HECW1: variants seen among roughly 807,000 people sequenced by gnomAD.
The protein encoded by HECW1 is E3 ubiquitin-protein ligase HECW1.
HECW1 carries 61 observed loss-of-function variants against 182.3 expected under a neutral mutation model. That is an observed-to-expected ratio of 0.33 (90% CI 0.27 to 0.41). The LOEUF is 0.41. HECW1 is among the 10% of genes least tolerant of loss of function. The pLI, the probability that HECW1 is intolerant of heterozygous loss-of-function variation, is 1.00. For synonymous variants in HECW1, 859 were observed against 832.6 expected, an observed-to-expected ratio of 1.03 and a Z score of -0.55; for missense variants, 1,739 against 2,108.9, an observed-to-expected ratio of 0.82 and a Z score of 3.44.
At chr7:43,239,321 C>T (rs1383394640) in intron 2 of HECW1, 1 of 152,228 alleles carries the variant, frequency 6.6e-6, no homozygotes, top group African/African-American at 2.4e-5. Context: ...AAAATATGTG[C>T]AACTGAGCTT....
At position 43,250,137 on chromosome 7, in the gene HECW1, G is replaced by A. The variant is rs201324045; in HGVS notation, c.27+6205G>A. Among the ~76,000 whole-genome samples the A allele has an allele frequency of 3.5e-5, 5 of 144,120 alleles. No homozygotes were observed. In the East Asian group the frequency reaches 6.1e-4, roughly 18 times the overall value. 94.5% of individuals were successfully genotyped at this position (144,120 alleles called of 152,430 possible). A position where few individuals can be genotyped will look rare whatever the true frequency, so the allele number is the denominator to read the frequency against. On this transcript the variant is annotated intron_variant, in intron 3 of 29. Coordinates refer to ENST00000395891, the MANE Select transcript of HECW1 (RefSeq NM_015052.5). ...AACCAAAACACACACACACACACGCGCACACACACATACACACACACACAG... is the reference window on the plus strand; with the variant it reads ...AACCAAAACACACACACACACACGCACACACACACATACACACACACACAG...
chr7:43,480,230 C>G (rs1003420020), intron 17 of HECW1, among the ~76,000 whole-genome samples: 1 of 152,202 alleles, frequency 6.6e-6, no homozygotes, highest in African/African-American at 2.4e-5. Flanking sequence ...TCTATTCGCG[C>G]TCTACAATGT....
At chr7:43,545,591 T>C (rs1563111390) in intron 26 of HECW1, among the ~76,000 whole-genome samples, 2 of 152,230 alleles carry the variant, frequency 1.3e-5, no homozygotes, top group South Asian at 4.1e-4. Flanking sequence ...AGAAGTCTTA[T>C]TAATAACAAA....
intron 2 of HECW1, among the ~76,000 whole-genome samples, chr7:43,226,427 G>A (rs1797432474): frequency 6.6e-6 from 1 of 152,140 alleles, no homozygotes; most frequent in South Asian, 2.1e-4. Flanking sequence ...ATCAGGAAAG[G>A]GGCTCTGCCA....
intron 8 of HECW1, among the ~76,000 whole-genome samples, chr7:43,411,406 T>A (rs1035699262): frequency 2.0e-5 from 3 of 152,192 alleles, no homozygotes; most frequent in Admixed American, 6.5e-5. Context: ...CAGCATATGA[T>A]GCATTTTGGT....
chr7:43,449,813 C>A (rs191095812), intron 11 of HECW1, among the ~76,000 whole-genome samples: 1 of 152,174 alleles, frequency 6.6e-6, no homozygotes, highest in African/African-American at 2.4e-5. Context: ...TCCTTTGTCC[C>A]GGGCCCTTCT....
intron 3 of HECW1, among the ~76,000 whole-genome samples, chr7:43,309,953 T>C (rs1029118768): frequency 6.6e-6 from 1 of 152,180 alleles, no homozygotes; most frequent in Non-Finnish European, 1.5e-5. Context: ...ACTTGCATTG[T>C]CTCATTAAAT....
chr7:43,463,833 G>A (rs775442675), intron 14 of HECW1, 34 bp downstream of exon 14: 1 of 1,606,950 alleles, frequency 6.2e-7, no homozygotes. Context: ...ACCTGTGATG[G>A]CTTTCAGGGG....
At chr7:43,311,475 C>T (rs1343285358) in intron 3 of HECW1, among the ~76,000 whole-genome samples, 1 of 152,194 alleles carries the variant, frequency 6.6e-6, no homozygotes, top group Non-Finnish European at 1.5e-5. Flanking sequence ...ACATCCCAGT[C>T]CTTCTGGTAT....
intron 24 of HECW1, chr7:43,511,596 C>A (rs1016035952): frequency 2.6e-5 from 4 of 152,312 alleles, no homozygotes; most frequent in African/African-American, 9.7e-5. Flanking sequence ...AGAGCCACAG[C>A]TGACTGAATG....
rs373343667 is a variant in HECW1, at chr7:43,265,371, G to A, written c.27+21439G>A. The stretch of plus-strand genomic sequence containing the variant: ...TCCTAACCACAGCGGGCCAGGAAGT[G>A]TCATCCTGCCTTGTGCTGGGTAGCT... On this transcript the variant is annotated intron_variant, in intron 3 of 29. Transcript: ENST00000395891. 2.6e-5 allele frequency among the ~76,000 whole-genome samples: 4 copies of A among 152,278 alleles called. No individual in the cohort carries two copies. In the East Asian group the frequency reaches 7.7e-4, roughly 29 times the overall value.
chr7:43,319,528 G>A (rs1026543161), intron 4 of HECW1, among the ~76,000 whole-genome samples: 4 of 69,314 alleles, frequency 5.8e-5, no homozygotes, highest in East Asian at 3.4e-4. Context: ...CTGACCACCC[G>A]CCCCCCACCC....
chr7:43,172,371 AT>A (rs1331735741), intron 2 of HECW1, among the ~76,000 whole-genome samples: 1 of 151,856 alleles, frequency 6.6e-6, no homozygotes, highest in Non-Finnish European at 1.5e-5. Flanking sequence ...AAAATTTTCT[AT>A]TTTTAGAAAA....
At chr7:43,163,428 G>A (rs374517256) in intron 2 of HECW1, among the ~76,000 whole-genome samples, 8 of 152,264 alleles carry the variant, frequency 5.3e-5, no homozygotes, top group East Asian at 1.9e-4. Flanking sequence ...TGTTCTGTCC[G>A]GGGGGAGGTG....
At chr7:43,357,725 A>G (rs1427202870) in intron 5 of HECW1, among the ~76,000 whole-genome samples, 2 of 151,874 alleles carry the variant, frequency 1.3e-5, no homozygotes, top group East Asian at 3.9e-4. Context: ...ATTTATATGT[A>G]TTTATAATAT....
intron 3 of HECW1, among the ~76,000 whole-genome samples, chr7:43,307,548 T>G (rs1807735334): frequency 6.6e-6 from 1 of 152,166 alleles, no homozygotes; most frequent in African/African-American, 2.4e-5. Flanking sequence ...AGGAAGACAG[T>G]GGCCTTTTAT....
intron 26 of HECW1, among the ~76,000 whole-genome samples, chr7:43,549,838 T>C (rs1360755195): frequency 1.3e-5 from 2 of 152,310 alleles, no homozygotes; most frequent in Middle Eastern, 3.4e-3. Context: ...CATTGAGATT[T>C]GGGGGCATCA....
At chr7:43,401,352 C>T (rs534785437) in intron 7 of HECW1, among the ~76,000 whole-genome samples, 167 of 151,530 alleles carry the variant, frequency 1.1e-3, no homozygotes, top group African/African-American at 3.8e-3. Context: ...CCAAAAAGGA[C>T]GAGGGAAAAA....
rs572717532 is a variant in HECW1 at position 43,434,367 on chromosome 7, G to T, written c.802-3636G>T. Among the ~76,000 whole-genome samples the T allele has an allele frequency of 2.0e-5, 3 of 152,338 alleles. No homozygotes were observed. In the East Asian group the frequency reaches 5.8e-4, roughly 29 times the overall value. On this transcript the variant is annotated intron_variant, in intron 8 of 29. Coordinates refer to ENST00000395891, the MANE Select transcript of HECW1 (RefSeq NM_015052.5). Reference sequence around the variant, plus strand: ...GAGGGAAGAAATTTGGTCTAACATGGCGTGGGCCTTCTTTTCCCATTCTAC... The same window carrying T: ...GAGGGAAGAAATTTGGTCTAACATGTCGTGGGCCTTCTTTTCCCATTCTAC...
Sources: allele counts gnomAD v4.1 joint callset (sites outside exome capture counted in the v4.1 genomes callset), GRCh38; gene constraint gnomAD v4.1.1; transcripts MANE v1.5; gene names NCBI Gene and HGNC (gene_info 2026-07-23, HGNC 2026-07-21).